The following HSD17B4 variants were observed in gnomAD, a reference collection of about 807,000 sequenced individuals.
HSD17B4 encodes the protein hydroxysteroid 17-beta dehydrogenase 4, also known as peroxisomal multifunctional enzyme type 2.
HSD17B4 carries 70 observed loss-of-function variants against 101.0 expected under a neutral mutation model. That is an observed-to-expected ratio of 0.69 (90% CI 0.57 to 0.85). The LOEUF is 0.85. Ranked by LOEUF, HSD17B4 falls within the 40% of genes least tolerant of loss-of-function variation. The pLI, the probability that HSD17B4 is intolerant of heterozygous loss-of-function variation, is 0.00. For missense variants in HSD17B4, 984 were observed against 892.4 expected (o/e 1.10, Z -1.31); for synonymous variants, 347 against 297.1 (o/e 1.17, Z -1.73).
At chr5:119,530,091 C>G (rs1753934137) in intron 21 of HSD17B4, 111 bp downstream of exon 21, 1 of 741,432 alleles carries the variant, frequency 1.3e-6, no homozygotes, top group Non-Finnish European at 2.5e-6. Flanking sequence ...TGAAACTATT[C>G]TTAATTCTTG....
At chr5:119,456,034 A>T (rs1286763286) in intron 1 of HSD17B4, among the ~76,000 whole-genome samples, 3 of 152,204 alleles carry the variant, frequency 2.0e-5, no homozygotes, top group Non-Finnish European at 4.4e-5. Flanking sequence ...TTTTATGCAG[A>T]TGCATCAGAT....
At position 119,493,828 on chromosome 5, in the gene HSD17B4, G is replaced by T; in HGVS notation, c.750G>T (p.Glu250Asp). The T allele has an allele frequency of 1.9e-6, 3 of 1,613,064 alleles. No individual in the cohort carries two copies. The highest frequency in any genetic ancestry group is 2.5e-6 in the Non-Finnish European group (3 of 1,179,250). ...GAGWIGKLRW[E>D]RTLGAIVRQK... ...TGTTTCTATAACCAGTACGCTGGGA[G>T]CGGACTCTTGGAGCTATTGTAAGAC... Residue 250 changes from glutamate to aspartate, a missense_variant, in exon 11 of 24, where the codon GAG (glutamate) becomes GAT (aspartate). Transcript: ENST00000510025.
chr5:119,525,734 C>G, intron 18 of HSD17B4, 183 bp from the exon 19 acceptor site: 1 of 422,198 alleles, frequency 2.4e-6, no homozygotes, highest in East Asian at 3.8e-5. Context: ...TTCTTTCTTT[C>G]TTTATTTCAT....
chr5:119,477,589 G>T, intron 7 of HSD17B4, 88 bp downstream of exon 7: 1 of 907,520 alleles, frequency 1.1e-6, no homozygotes, highest in South Asian at 1.3e-5. Context: ...GAAGTGTTGT[G>T]AAATGATTTA....
intron 8 of HSD17B4, among the ~76,000 whole-genome samples, chr5:119,485,920 T>C (rs1465989064): frequency 6.6e-6 from 1 of 152,220 alleles, no homozygotes; most frequent in Non-Finnish European, 1.5e-5. Context: ...GAATTTAGCC[T>C]GGCTAGGAGG....
At chr5:119,490,903 A>G (rs1020171618) in intron 9 of HSD17B4, among the ~76,000 whole-genome samples, 24 of 152,128 alleles carry the variant, frequency 1.6e-4, no homozygotes, top group African/African-American at 4.8e-4. Flanking sequence ...CACACAGACA[A>G]TTAGGATAAT....
chr5:119,527,661 G>GA (rs796159298), intron 20 of HSD17B4, among the ~76,000 whole-genome samples: 3 of 151,510 alleles, frequency 2.0e-5, no homozygotes, highest in Non-Finnish European at 4.4e-5. Context: ...AAACATGTTC[G>GA]AAAAAAAATT....
intron 4 of HSD17B4, among the ~76,000 whole-genome samples, chr5:119,475,200 C>T (rs1748467017): frequency 6.6e-6 from 1 of 152,030 alleles, no homozygotes; most frequent in Non-Finnish European, 1.5e-5. Context: ...TGAAAATAGC[C>T]ACAAGAGGGT....
chr5:119,537,439 G>C (rs1754629845), intron 23 of HSD17B4, among the ~76,000 whole-genome samples: 1 of 152,018 alleles, frequency 6.6e-6, no homozygotes, highest in South Asian at 2.1e-4. Flanking sequence ...TATGTATGAA[G>C]AGCTTAGTAC....
chr5:119,480,978 G>A (rs902201465), intron 8 of HSD17B4, among the ~76,000 whole-genome samples: 3 of 152,098 alleles, frequency 2.0e-5, no homozygotes, highest in East Asian at 1.9e-4. Context: ...CTTATTCCCC[G>A]AACAATTGCT....
intron 17 of HSD17B4, among the ~76,000 whole-genome samples, chr5:119,523,534 C>T (rs900798651): frequency 6.6e-6 from 1 of 152,034 alleles, no homozygotes; most frequent in Non-Finnish European, 1.5e-5. Context: ...TGTCATTTCT[C>T]ATAATGAACC....
intron 14 of HSD17B4, among the ~76,000 whole-genome samples, chr5:119,503,076 T>TTTGTGTG (rs1356722542): frequency 5.6e-4 from 79 of 140,644 alleles, no homozygotes; most frequent in African/African-American, 1.9e-3. Context: ...ACCTTGGAAA[T>TTTGTGTG]TGTGTGTGTG....
rs1342942701 is a variant in HSD17B4, at chr5:119,525,120, A to G, written c.1504-96A>G. ...CAGAGCCTCAGGTACATTATGATACAATGCTTATACCAATAACCAGCCATG... is the reference window on the plus strand; with the variant it reads ...CAGAGCCTCAGGTACATTATGATACGATGCTTATACCAATAACCAGCCATG... On this transcript the variant is annotated intron_variant, in intron 17 of 23. Transcript: ENST00000510025. 5 of 788,530 alleles carry G rather than the reference A, an allele frequency of 6.3e-6. No individual in the cohort carries two copies. In the East Asian group the frequency reaches 1.3e-4, roughly 20 times the overall value. The allele number at this position is 788,530 out of a possible 1,614,324, so 48.8% of individuals were successfully genotyped here. A position where few individuals can be genotyped will look rare whatever the true frequency, so the allele number is the denominator to read the frequency against.
rs73790879 is a variant in HSD17B4, at chr5:119,523,281, C to T, written c.1504-1935C>T. 1.3e-3 allele frequency among the ~76,000 whole-genome samples: 195 copies of T among 152,208 alleles called. 1 individual carries two copies. Among genetic ancestry groups the T allele is most frequent in the African/African-American group, 4.2e-3 (173 of 41,528 alleles). On this transcript the variant is annotated intron_variant, in intron 17 of 23. Coordinates refer to ENST00000510025, the MANE Select transcript of HSD17B4 (RefSeq NM_000414.4). The stretch of plus-strand genomic sequence containing the variant: ...TGTATGCAGATTATCCTCCCACCTA[C>T]TTTTAATATGCAAAATAATATATAG...
At chr5:119,480,146 A>G (rs1748984787) in intron 8 of HSD17B4, among the ~76,000 whole-genome samples, 3 of 151,854 alleles carry the variant, frequency 2.0e-5, no homozygotes, top group Admixed American at 2.0e-4. Flanking sequence ...TTTTTTGTTG[A>G]GATGTCTATT....
In HSD17B4 at chr5:119,456,353, G is replaced by C. The variant is rs749921409; in HGVS notation, c.97G>C (p.Gly33Arg). The C allele has an allele frequency of 6.2e-7, 1 of 1,608,358 alleles. No individual in the cohort carries two copies. Among genetic ancestry groups the C allele is most frequent in the South Asian group, 1.1e-5 (1 of 90,954 alleles). ...RAYALAFAER[G>R]ALVVVNDLGG... ...CTATGCCCTGGCTTTTGCAGAAAGAGGAGCGTTAGTTGTTGGTAAGTTGGT... is the reference window on the plus strand; with the variant it reads ...CTATGCCCTGGCTTTTGCAGAAAGACGAGCGTTAGTTGTTGGTAAGTTGGT... The change falls in exon 2 of 24, where the codon GGA (glycine) becomes CGA (arginine). Residue 33 changes from glycine to arginine, a missense_variant. Physicochemically the swap from Gly to Arg is moderately radical, Grantham distance 125 (BLOSUM62 -2). Transcript: ENST00000510025.
At position 119,454,321 on chromosome 5, in the gene HSD17B4, T is replaced by C. The variant is rs76823802; in HGVS notation, c.58+1688T>C. ...GAGTTGATTAAATTTTTTTTTTTTTTCAGAGCTAAAGGTTTTACTCTGTAC... is the reference window on the plus strand; with the variant it reads ...GAGTTGATTAAATTTTTTTTTTTTTCCAGAGCTAAAGGTTTTACTCTGTAC... On this transcript the variant is annotated intron_variant, in intron 1 of 23. Coordinates refer to ENST00000510025, the MANE Select transcript of HSD17B4 (RefSeq NM_000414.4). Among the ~76,000 whole-genome samples the C allele has an allele frequency of 2.6e-5, 4 of 152,070 alleles. No individual in the cohort carries two copies. The East Asian group carries it at 5.8e-4, about 22-fold the overall frequency.
chr5:119,501,586 A>T (rs935978762), intron 13 of HSD17B4, among the ~76,000 whole-genome samples: 1 of 152,202 alleles, frequency 6.6e-6, no homozygotes, highest in East Asian at 1.9e-4. Flanking sequence ...CATTTTGAAC[A>T]TGGTTGTAAG....
Position 119,495,153 on chromosome 5 carries a change from C to T in HSD17B4, c.868+1207C>T, listed in dbSNP as rs1750514020. ...TGATTGTTATGTCATAAATGGTTAA[C>T]ATTTTTGTATTTTATATTTAGACAT... On this transcript the variant is annotated intron_variant, in intron 11 of 23. Transcript: ENST00000510025. Among the ~76,000 whole-genome samples the T allele has an allele frequency of 4.0e-5, 6 of 151,604 alleles. No individual in the cohort carries two copies. In the South Asian group the frequency reaches 1.2e-3, roughly 31 times the overall value.
Sources: gnomAD v4.1 joint callset for allele counts (sites outside exome capture counted in the v4.1 genomes callset) on GRCh38, gnomAD v4.1.1 for gene constraint, MANE v1.5 for transcripts, NCBI Gene and HGNC (gene_info 2026-07-23, HGNC 2026-07-21) for gene names.